The following PDZD8 variants were observed in gnomAD, a reference collection of about 807,000 sequenced individuals.
PDZD8 encodes the protein PDZ domain containing 8, also known as PDZ domain-containing protein 8.
In PDZD8, 14 loss-of-function variants were observed where a neutral mutation model predicts 85.8. The ratio of observed to expected loss-of-function variants is 0.16; its 90% CI spans 0.11 to 0.26. The LOEUF (loss-of-function observed/expected upper bound fraction) is 0.26, where lower values mean the gene tolerates loss of function less well. PDZD8 is among the 10% of genes least tolerant of loss of function. The pLI is 1.00. For synonymous variants in PDZD8, 592 were observed against 568.6 expected (o/e 1.04, Z -0.59); for missense variants, 1,197 against 1,424.3 (o/e 0.84, Z 2.57).
At chr10:117,358,028 C>T (rs1246929469) in intron 1 of PDZD8, among the ~76,000 whole-genome samples, 1 of 151,968 alleles carries the variant, frequency 6.6e-6, no homozygotes, top group African/African-American at 2.4e-5. Context: ...CGTGAGTTGA[C>T]AACTGTTAAA....
At chr10:117,338,286 TACC>T (rs1844551561) in intron 2 of PDZD8, among the ~76,000 whole-genome samples, 1 of 152,170 alleles carries the variant, frequency 6.6e-6, no homozygotes, top group Non-Finnish European at 1.5e-5. Flanking sequence ...AATAACACAG[TACC>T]ACAACACTGA....
chr10:117,283,343 T>C lies in PDZD8; in HGVS notation c.3390A>G (p.Glu1130=). The change falls in exon 5 of 5, where the codon GAA becomes GAG. Residue 1130 remains glutamate, a synonymous_variant. Transcript: ENST00000334464. ...TDDTEEDLDN[E]ISQLIDSQPF... Reference sequence around the variant, plus strand: ...GCTGAGAGTCTATTAGTTGGCTTATTTCATTATCAAGGTCTTCTTCTGTAT... The same window carrying C: ...GCTGAGAGTCTATTAGTTGGCTTATCTCATTATCAAGGTCTTCTTCTGTAT... 5.0e-6 allele frequency: 8 copies of C among 1,614,158 alleles called. No individual in the cohort carries two copies. Among genetic ancestry groups the C allele is most frequent in the Non-Finnish European group, 6.8e-6 (8 of 1,180,006 alleles).
At chr10:117,307,210 T>C (rs1843958485) in intron 3 of PDZD8, among the ~76,000 whole-genome samples, 1 of 151,468 alleles carries the variant, frequency 6.6e-6, no homozygotes, top group South Asian at 2.1e-4. Flanking sequence ...AGTGGAATTA[T>C]GGTTGACTTT....
rs755616885 is a variant in PDZD8 at position 117,283,759 on chromosome 10, T to C, written c.2974A>G (p.Lys992Glu). ...TTTATTCCTGTGCTGTTTCCCCGTT[T>C]AGAAGGACTGTTTGGACCACAGACC... ...TEVCGPNSPSKRGNSTGIKLV... is the reference protein window; with the variant it reads ...TEVCGPNSPSERGNSTGIKLV... The change falls in exon 5 of 5, where the codon AAA becomes GAA. Residue 992 changes from lysine to glutamate, a missense_variant. This residue lies in a region of PDZD8 where 418 missense variants were observed against 571.1 expected (regional missense o/e 0.73). Coordinates refer to ENST00000334464, the MANE Select transcript of PDZD8 (RefSeq NM_173791.5). The C allele has an allele frequency of 1.2e-6, 2 of 1,614,116 alleles. No individual in the cohort carries two copies. Among genetic ancestry groups the C allele is most frequent in the African/African-American group, 2.7e-5 (2 of 74,940 alleles).
intron 4 of PDZD8, among the ~76,000 whole-genome samples, chr10:117,287,644 C>T (rs1426865243): frequency 6.6e-6 from 1 of 152,170 alleles, no homozygotes; most frequent in African/African-American, 2.4e-5. Flanking sequence ...CTTGTGATTT[C>T]AGCCCATTTT....
chr10:117,290,646 A>C (rs1452645130), intron 3 of PDZD8, among the ~76,000 whole-genome samples: 3 of 152,150 alleles, frequency 2.0e-5, no homozygotes, highest in Non-Finnish European at 2.9e-5. Flanking sequence ...AAATAAAAAG[A>C]AAACCATTCC....
intron 2 of PDZD8, among the ~76,000 whole-genome samples, chr10:117,330,594 C>T (rs770565721): frequency 1.3e-5 from 2 of 152,154 alleles, no homozygotes; most frequent in Admixed American, 6.5e-5. Flanking sequence ...ACTCACTAAA[C>T]CCTGTCCTAG....
chr10:117,306,372 C>T (rs1843943401), intron 3 of PDZD8, among the ~76,000 whole-genome samples: 1 of 152,136 alleles, frequency 6.6e-6, no homozygotes, highest in Non-Finnish European at 1.5e-5. Context: ...CTTAAGGTTT[C>T]TTCTTTTCTC....
At chr10:117,301,118 A>T (rs753865950) in intron 3 of PDZD8, among the ~76,000 whole-genome samples, 3 of 152,054 alleles carry the variant, frequency 2.0e-5, no homozygotes, top group African/African-American at 4.8e-5. Flanking sequence ...CCATCAGAGT[A>T]GCTGGGATTA....
intron 2 of PDZD8, among the ~76,000 whole-genome samples, chr10:117,330,511 A>G (rs1844403701): frequency 6.6e-6 from 1 of 152,190 alleles, no homozygotes; most frequent in African/African-American, 2.4e-5. Flanking sequence ...CAATGGATAC[A>G]TAACTCTCCT....
intron 2 of PDZD8, among the ~76,000 whole-genome samples, chr10:117,325,607 T>A (rs571179943): frequency 6.6e-6 from 1 of 152,018 alleles, no homozygotes; most frequent in East Asian, 1.9e-4. Flanking sequence ...TCCGCCATAT[T>A]GGCCAGGCTG....
rs1239026785 is a variant in PDZD8 at position 117,374,966 on chromosome 10, C to A, written c.262G>T (p.Ala88Ser). ...ATPTAAPETP[A>S]PPTRETCYFL... ...TAGCAAGTCTCCCGCGTCGGCGGGG[C>A]GGGGGTCTCGGGGGCCGCGGTGGGG... The change falls in exon 1 of 5, where the codon GCC becomes TCC. Residue 88 changes from alanine (A) to serine (S), a missense_variant. Coordinates refer to ENST00000334464, the MANE Select transcript of PDZD8 (RefSeq NM_173791.5). The surrounding 1 kb of genome is among the most constrained non-coding windows in gnomAD (Gnocchi z 7.8). 6.2e-7 allele frequency: 1 copy of A among 1,603,810 alleles called. No homozygotes were observed. Among genetic ancestry groups the A allele is most frequent in the African/African-American group, 1.3e-5 (1 of 74,612 alleles).
At chr10:117,327,487 TG>T (rs139082349) in intron 2 of PDZD8, among the ~76,000 whole-genome samples, 1,630 of 152,354 alleles carry the variant, frequency 0.011, 15 homozygotes, top group Non-Finnish European at 0.017. Context: ...GTCAGTCCCC[TG>T]TGCTTTAATC....
intron 2 of PDZD8, among the ~76,000 whole-genome samples, chr10:117,326,362 A>G (rs1468045042): frequency 6.6e-6 from 1 of 152,226 alleles, no homozygotes; most frequent in Non-Finnish European, 1.5e-5. Context: ...TGCCATAACC[A>G]GAGACATTAA....
intron 2 of PDZD8, among the ~76,000 whole-genome samples, chr10:117,332,084 T>C (rs578020226): frequency 6.6e-6 from 1 of 152,322 alleles, no homozygotes; most frequent in African/African-American, 2.4e-5. Context: ...TCAAAATCTT[T>C]ACAGGAACTT....
Position 117,284,646 on chromosome 10 carries a change from G to A in PDZD8, c.2087C>T (p.Thr696Ile), listed in dbSNP as rs1160665997. ...YRNKLGKWTR[T>I]RASCLFDIEA... ...TATGTCAAACAAACAGGATGCTCTG[G>A]TTCTTGTCCATTTTCCTAGCTTATT... Residue 696 changes from threonine (T) to isoleucine (I), a missense_variant, in exon 5 of 5, where the codon ACC (threonine) becomes ATC (isoleucine). Physicochemically the swap from Thr to Ile is moderately conservative, Grantham distance 89 (BLOSUM62 -1). This residue lies in a region of PDZD8 where 418 missense variants were observed against 571.1 expected (regional missense o/e 0.73). Coordinates refer to ENST00000334464, the MANE Select transcript of PDZD8 (RefSeq NM_173791.5). 4 of 1,614,052 alleles carry A rather than the reference G, an allele frequency of 2.5e-6. No individual in the cohort carries two copies. The highest frequency in any genetic ancestry group is 2.5e-6 in the Non-Finnish European group (3 of 1,180,030).
In PDZD8 at chr10:117,375,103, CCCGCGCGGGCGGCCTCGT is replaced by C. The variant is rs1361694137; in HGVS notation, c.107_124del (p.Asp36_Ala41del). On this transcript the variant is annotated inframe_deletion, in exon 1 of 5. Transcript: ENST00000334464. ...TGGCTTGATGTAGCGGAAGCCCTCG[CCCGCGCGGGCGGCCTCGT>C]CCGCCGGCGGCTCGGGCTGTCTGCG... 6.3e-6 allele frequency: 10 copies of C among 1,595,820 alleles called. No individual in the cohort carries two copies. The highest frequency in any genetic ancestry group is 1.3e-5 in the African/African-American group (1 of 74,544).
intron 2 of PDZD8, among the ~76,000 whole-genome samples, chr10:117,337,234 C>T (rs1844531464): frequency 6.6e-6 from 1 of 152,058 alleles, no homozygotes; most frequent in South Asian, 2.1e-4. Context: ...TGCAAAATAT[C>T]TCAAATATCT....
At chr10:117,331,568 C>G (rs1389835327) in intron 2 of PDZD8, among the ~76,000 whole-genome samples, 1 of 152,174 alleles carries the variant, frequency 6.6e-6, no homozygotes, top group East Asian at 1.9e-4. Flanking sequence ...TTATCAAAGA[C>G]ACAATCCTCT....
Sources: gnomAD v4.1 joint callset for allele counts (sites outside exome capture counted in the v4.1 genomes callset) on GRCh38, gnomAD v4.1.1 for gene constraint, gnomAD v4.1.1 regional missense constraint, Gnocchi (gnomAD v3.1) non-coding constraint, MANE v1.5 for transcripts, NCBI Gene and HGNC (gene_info 2026-07-23, HGNC 2026-07-21) for gene names.